The following NKAIN3 variants were observed in gnomAD, a reference collection of about 807,000 sequenced individuals.
NKAIN3 encodes sodium/potassium transporting ATPase interacting 3.
Under a neutral mutation model 30.2 loss-of-function variants are expected in NKAIN3, and 25 were observed. The observed-to-expected ratio is 0.83, with a 90% CI of 0.60 to 1.16. The LOEUF (loss-of-function observed/expected upper bound fraction) is 1.16. Among genes scored for constraint, NKAIN3 ranks in the 50% most tolerant of loss-of-function variants. The pLI is 0.00. For synonymous variants in NKAIN3, 91 were observed against 89.6 expected (o/e 1.02, Z -0.09); for missense variants, 225 against 254.1 (o/e 0.89, Z 0.78).
intron 1 of NKAIN3, among the ~76,000 whole-genome samples, chr8:62,259,730 A>C (rs1044024366): frequency 1.3e-5 from 2 of 152,100 alleles, no homozygotes; most frequent in African/African-American, 4.8e-5. Flanking sequence ...AGTTATAAAC[A>C]AAAAAAATCA....
chr8:62,334,121 C>T (rs1815450147), intron 1 of NKAIN3, among the ~76,000 whole-genome samples: 1 of 152,088 alleles, frequency 6.6e-6, no homozygotes, highest in Admixed American at 6.6e-5. Context: ...TTATCATTAG[C>T]ATTTATAATA....
intron 3 of NKAIN3, among the ~76,000 whole-genome samples, chr8:62,745,938 A>G (rs529984284): frequency 5.3e-4 from 81 of 152,340 alleles, no homozygotes; most frequent in South Asian, 1.9e-3. Flanking sequence ...CTATGCTACC[A>G]TGGACAAATT....
intron 1 of NKAIN3, among the ~76,000 whole-genome samples, chr8:62,327,404 T>C (rs1815179006): frequency 6.6e-6 from 1 of 152,082 alleles, no homozygotes; most frequent in South Asian, 2.1e-4. Flanking sequence ...TCTGATGTTG[T>C]GAAGATTTTG....
intron 3 of NKAIN3, among the ~76,000 whole-genome samples, chr8:62,684,713 C>A (rs1813743702): frequency 1.3e-5 from 2 of 152,172 alleles, no homozygotes; most frequent in South Asian, 2.1e-4. Flanking sequence ...TATTTAGAGA[C>A]AATATCTTTA....
intron 4 of NKAIN3, among the ~76,000 whole-genome samples, chr8:62,861,356 G>A (rs532188278): frequency 1.9e-4 from 29 of 152,252 alleles, no homozygotes; most frequent in African/African-American, 6.0e-4. Flanking sequence ...TGCCTCAAAA[G>A]CTTCCAGACC....
intron 6 of NKAIN3, among the ~76,000 whole-genome samples, chr8:62,963,606 T>G (rs1476775688): frequency 6.6e-6 from 1 of 152,240 alleles, no homozygotes; most frequent in Non-Finnish European, 1.5e-5. Flanking sequence ...AAATTCCTTC[T>G]AACGTAAAGA....
At chr8:62,512,591 A>T (rs1364422428) in intron 1 of NKAIN3, among the ~76,000 whole-genome samples, 1 of 152,104 alleles carries the variant, frequency 6.6e-6, no homozygotes, top group Non-Finnish European at 1.5e-5. Context: ...CTCAAATTCC[A>T]CTATTCTACT....
intron 4 of NKAIN3, among the ~76,000 whole-genome samples, chr8:62,805,608 G>A (rs1342115176): frequency 6.6e-6 from 1 of 152,104 alleles, no homozygotes; most frequent in African/African-American, 2.4e-5. Flanking sequence ...TATGTAGAAA[G>A]CTGAAACTGG....
At chr8:62,692,896 C>T (rs892936425) in intron 3 of NKAIN3, among the ~76,000 whole-genome samples, 1 of 152,180 alleles carries the variant, frequency 6.6e-6, no homozygotes, top group Non-Finnish European at 1.5e-5. Flanking sequence ...CCTGGACATA[C>T]ATCTGCAGTT....
At chr8:62,736,829 A>G (rs942060771) in intron 3 of NKAIN3, among the ~76,000 whole-genome samples, 1 of 152,202 alleles carries the variant, frequency 6.6e-6, no homozygotes, top group East Asian at 1.9e-4. Context: ...CCCCAGTGAG[A>G]CAAAGTCTTA....
chr8:62,307,497 C>T (rs750450492), intron 1 of NKAIN3, among the ~76,000 whole-genome samples: 1 of 149,976 alleles, frequency 6.7e-6, no homozygotes, highest in African/African-American at 2.5e-5. Context: ...TTACTAAGTA[C>T]TAGGAAAACA....
intron 5 of NKAIN3, among the ~76,000 whole-genome samples, chr8:62,919,008 G>A (rs1215076053): frequency 1.3e-5 from 2 of 150,054 alleles, no homozygotes; most frequent in Non-Finnish European, 3.0e-5. Context: ...AAAAATTTAC[G>A]AGGTGCTAAA....
At chr8:62,789,773 A>G (rs1197090288) in intron 4 of NKAIN3, among the ~76,000 whole-genome samples, 1 of 152,134 alleles carries the variant, frequency 6.6e-6, no homozygotes, top group Non-Finnish European at 1.5e-5. Context: ...AAGAAGTTGA[A>G]TCTCTGAATA....
intron 1 of NKAIN3, among the ~76,000 whole-genome samples, chr8:62,282,823 C>T (rs1813248410): frequency 6.6e-6 from 1 of 152,126 alleles, no homozygotes; most frequent in South Asian, 2.1e-4. Context: ...TGAACTAAAC[C>T]AAGATTGTGT....
chr8:62,633,642 C>G (rs1307316408), intron 3 of NKAIN3, among the ~76,000 whole-genome samples: 1 of 152,134 alleles, frequency 6.6e-6, no homozygotes, highest in Non-Finnish European at 1.5e-5. Flanking sequence ...TGCCCACAAC[C>G]TTTTGGGAAC....
intron 1 of NKAIN3, among the ~76,000 whole-genome samples, chr8:62,478,598 CATT>C (rs1806597229): frequency 6.6e-6 from 1 of 152,170 alleles, no homozygotes; most frequent in African/African-American, 2.4e-5. Flanking sequence ...GTGGTATCAT[CATT>C]ATCATTATTA....
At chr8:62,530,342 AG>A (rs1808449500) in intron 1 of NKAIN3, among the ~76,000 whole-genome samples, 1 of 152,206 alleles carries the variant, frequency 6.6e-6, no homozygotes, top group African/African-American at 2.4e-5. Flanking sequence ...CTCATAGTCA[AG>A]TAACTTTTAA....
intron 1 of NKAIN3, among the ~76,000 whole-genome samples, chr8:62,538,699 G>A (rs1024761013): frequency 2.0e-5 from 3 of 152,078 alleles, no homozygotes; most frequent in African/African-American, 7.2e-5. Context: ...AGCCTCTGTG[G>A]TCTCAGGCGA....
chr8:62,287,303 T>C (rs1813410199), intron 1 of NKAIN3, among the ~76,000 whole-genome samples: 1 of 151,948 alleles, frequency 6.6e-6, no homozygotes, highest in East Asian at 2.0e-4. Context: ...ATCATAATGA[T>C]ATTAGACTCA....
Sources: allele counts gnomAD v4.1 joint callset (sites outside exome capture counted in the v4.1 genomes callset), GRCh38; gene constraint gnomAD v4.1.1; transcripts MANE v1.5; gene names NCBI Gene and HGNC (gene_info 2026-07-23, HGNC 2026-07-21).